The following PSD4 variants were observed in gnomAD, a reference collection of about 807,000 sequenced individuals.
The protein encoded by PSD4 is PH and SEC7 domain-containing protein 4.
In PSD4, 59 loss-of-function variants were observed where a neutral mutation model predicts 112.5. That is an observed-to-expected ratio of 0.52 (90% CI 0.43 to 0.65). The LOEUF (loss-of-function observed/expected upper bound fraction) is 0.65, where lower values mean the gene tolerates loss of function less well. Ranked by LOEUF, PSD4 falls within the 30% of genes least tolerant of loss-of-function variation. The probability of loss-of-function intolerance (pLI) is 0.00; values close to 1 mark genes in which losing one functional copy is unlikely to be tolerated. For missense variants in PSD4, 1,267 were observed against 1,352.6 expected (o/e 0.94, Z 0.99); for synonymous variants, 533 against 540.0 (o/e 0.99, Z 0.18).
rs1558887043 is a variant in PSD4 at position 113,182,897 on chromosome 2, C to T, written c.441C>T (p.Asn147=). The change falls in exon 2 of 17, where the codon AAC becomes AAT. Residue 147 remains asparagine, a synonymous_variant. Transcript: ENST00000245796. The stretch of plus-strand genomic sequence containing the variant: ...ATCTACCGGGGAGCCCAAAGCAGAA[C>T]CGGAGCACGTCCACACAGGTAGTGT... The part of the protein sequence containing the change: ...NSHLPGSPKQ[N]RSTSTQVVFW... The T allele has an allele frequency of 1.2e-6, 2 of 1,614,242 alleles. No individual in the cohort carries two copies. The highest frequency in any genetic ancestry group is 2.2e-5 in the South Asian group (2 of 91,090).
chr2:113,195,128 A>G (rs569781765), intron 10 of PSD4, among the ~76,000 whole-genome samples: 2 of 151,488 alleles, frequency 1.3e-5, no homozygotes, highest in Admixed American at 1.3e-4. Context: ...CTCAGTAAGC[A>G]TGGGCAGGAC....
chr2:113,188,306 C>A (rs938966600), intron 5 of PSD4, among the ~76,000 whole-genome samples: 1 of 152,080 alleles, frequency 6.6e-6, no homozygotes, highest in South Asian at 2.1e-4. Context: ...TGCAATGTTG[C>A]GATCTTGGCT....
chr2:113,180,325 G>A (rs188522282), intron 1 of PSD4, among the ~76,000 whole-genome samples: 1 of 152,348 alleles, frequency 6.6e-6, no homozygotes, highest in Non-Finnish European at 1.5e-5. Context: ...TATGTGGCAG[G>A]ACGAGGGTTT....
chr2:113,183,945 C>G (rs45496992), intron 2 of PSD4, among the ~76,000 whole-genome samples: 1 of 152,350 alleles, frequency 6.6e-6, no homozygotes, highest in Non-Finnish European at 1.5e-5. Flanking sequence ...ATGCCTATTT[C>G]AAAAGTCCAG....
intron 2 of PSD4, 75 bp from the exon 3 acceptor site, chr2:113,184,882 A>G: frequency 1.3e-6 from 2 of 1,587,704 alleles, no homozygotes; most frequent in East Asian, 4.5e-5. Flanking sequence ...GGGATTTGAG[A>G]AAGGCCCTGG....
Position 113,199,314 on chromosome 2 carries a change from C to T in PSD4, c.2913+88C>T, listed in dbSNP as rs1688710681. On this transcript the variant is annotated intron_variant, in intron 16 of 16. Transcript: ENST00000245796. ...CTCGGTCCCTGCAGCCGTCACTGCC[C>T]TGACCGCGCCGGGGCGGGGAGAGGC... 6 of 1,293,236 alleles carry T rather than the reference C, an allele frequency of 4.6e-6. No individual in the cohort carries two copies. The East Asian group carries it at 1.6e-4, about 34-fold the overall frequency. 80.1% of individuals were successfully genotyped at this position (1,293,236 alleles called of 1,614,324 possible).
chr2:113,191,077 T>C (rs891728528), intron 5 of PSD4, among the ~76,000 whole-genome samples: 34 of 152,176 alleles, frequency 2.2e-4, no homozygotes, highest in Non-Finnish European at 1.3e-4. Flanking sequence ...TCTGAACCTC[T>C]CCACGGGGCA....
rs567086694 is a variant in PSD4, at chr2:113,193,260, G to C, written c.1922G>C (p.Ser641Thr). The change falls in exon 8 of 17, where the codon AGC (serine) becomes ACC (threonine). Residue 641 changes from serine to threonine, a missense_variant and splice_region_variant. Around this residue, in one of 2 missense-constraint regions of PSD4, gnomAD observed 544 missense variants for 648.6 expected, o/e 0.84. Coordinates refer to ENST00000245796, the MANE Select transcript of PSD4 (RefSeq NM_012455.3). The stretch of plus-strand genomic sequence containing the variant: ...TTGACCCTGGCCCTCCTTTGCAGGA[G>C]CTTCCTCCAGGCCTTGGTGCTCAGT... ...GGQSLDRALR[S>T]FLQALVLSGE... The C allele has an allele frequency of 6.3e-7, 1 of 1,580,994 alleles. No homozygotes were observed. The highest frequency in any genetic ancestry group is 8.6e-7 in the Non-Finnish European group (1 of 1,165,166).
intron 16 of PSD4, 77 bp downstream of exon 16, chr2:113,199,303 C>A: frequency 7.6e-7 from 1 of 1,321,032 alleles, no homozygotes; most frequent in Non-Finnish European, 9.6e-7. Flanking sequence ...GTCCCTGCAG[C>A]CGTCACTGCC....
At chr2:113,177,834 TA>T (rs1688019502) in intron 1 of PSD4, among the ~76,000 whole-genome samples, 1 of 152,284 alleles carries the variant, frequency 6.6e-6, no homozygotes, top group East Asian at 1.9e-4. Context: ...ACCACGCGGG[TA>T]AACACACTGG....
chr2:113,177,702 T>A (rs1221043450), intron 1 of PSD4, among the ~76,000 whole-genome samples: 1 of 151,798 alleles, frequency 6.6e-6, no homozygotes, highest in Non-Finnish European at 1.5e-5. Flanking sequence ...TGGGTCGGAG[T>A]GGTTGACAAA....
intron 3 of PSD4, 39 bp downstream of exon 3, chr2:113,185,112 C>A (rs1033887982): frequency 4.3e-6 from 7 of 1,613,506 alleles, no homozygotes; most frequent in Non-Finnish European, 5.9e-6. Flanking sequence ...CTTTCTCCAT[C>A]TTTGGAGGAG....
At chr2:113,188,896 TTTC>T (rs898188494) in intron 5 of PSD4, among the ~76,000 whole-genome samples, 4 of 152,200 alleles carry the variant, frequency 2.6e-5, no homozygotes, top group African/African-American at 7.2e-5. Context: ...TGAATTTTCT[TTTC>T]TTTCTTTTTT....
rs758564250 is a variant in PSD4, at chr2:113,183,467, C to T, written c.1011C>T (p.Ala337=). Residue 337 remains alanine (A), a synonymous_variant, in exon 2 of 17, where the codon GCC becomes GCT. Transcript: ENST00000245796. ...CCATCTGCTGGGCCTCAGTGGCTGC[C>T]GCTGAGGGGGCTCCTGCAGCACCTC... The part of the protein sequence containing the change: ...PHSICWASVA[A]AEGAPAAPPG... 8.8e-6 allele frequency: 14 copies of T among 1,590,892 alleles called. No individual in the cohort carries two copies. Among genetic ancestry groups the T allele is most frequent in the East Asian group, 2.2e-5 (1 of 44,766 alleles).
chr2:113,183,615 G>C (rs1233700801), intron 2 of PSD4, 103 bp downstream of exon 2: 10 of 1,118,336 alleles, frequency 8.9e-6, no homozygotes, highest in Non-Finnish European at 1.2e-5. Context: ...CTGACGCTAA[G>C]AGCTTTGGGG....
rs1688518780 is a variant in PSD4 at position 113,193,624 on chromosome 2, C to T, written c.2065C>T (p.Leu689=). 2 of 1,613,774 alleles carry T rather than the reference C, an allele frequency of 1.2e-6. No homozygotes were observed. Among genetic ancestry groups the T allele is most frequent in the African/African-American group, 1.3e-5 (1 of 74,918 alleles). ...ACACACCTTGACATGTGCAATCATG[C>T]TGCTTAACACGGACCTGCATGGACA... ...SVHTLTCAIM[L]LNTDLHGQNI... is the part of the protein sequence containing the mutation. The change falls in exon 9 of 17, where the codon CTG becomes TTG. Residue 689 remains leucine, a synonymous_variant. Transcript: ENST00000245796.
intron 6 of PSD4, 110 bp downstream of exon 6, chr2:113,192,699 C>T: frequency 8.8e-7 from 1 of 1,139,966 alleles, no homozygotes; most frequent in South Asian, 1.5e-5. Context: ...GCCCTGTTCC[C>T]TTCCCATCTC....
chr2:113,198,979 A>T, intron 15 of PSD4, 95 bp downstream of exon 15: 1 of 1,527,384 alleles, frequency 6.5e-7, no homozygotes, highest in Non-Finnish European at 8.8e-7. Context: ...CGGGCTGCGC[A>T]CTTGGCCTGG....
In PSD4 at chr2:113,197,715, T is replaced by G. The variant is rs183925965; in HGVS notation, c.2458-32T>G. 217 of 1,609,052 alleles carry G rather than the reference T, an allele frequency of 1.3e-4. 2 individuals carry two copies. In the African/African-American group the frequency reaches 2.4e-3, roughly 18 times the overall value. Reference sequence around the variant, plus strand: ...AGTCTGGAGGGTGGGCAGCTGATGATAACCTCTTCTCTGAGCCCCTGTGAC... The same window carrying G: ...AGTCTGGAGGGTGGGCAGCTGATGAGAACCTCTTCTCTGAGCCCCTGTGAC... On this transcript the variant is annotated intron_variant, in intron 13 of 16. Coordinates refer to ENST00000245796, the MANE Select transcript of PSD4 (RefSeq NM_012455.3).
Sources: allele counts gnomAD v4.1 joint callset (sites outside exome capture counted in the v4.1 genomes callset), GRCh38; gene constraint gnomAD v4.1.1; regional missense constraint gnomAD v4.1.1; transcripts MANE v1.5; gene names NCBI Gene and HGNC (gene_info 2026-07-23, HGNC 2026-07-21).